The following CNBD1 variants were observed in gnomAD, a reference collection of about 807,000 sequenced individuals.
The protein encoded by CNBD1 is cyclic nucleotide binding domain containing 1, also known as cyclic nucleotide-binding domain-containing protein 1.
CNBD1 carries 71 observed loss-of-function variants against 54.4 expected under a neutral mutation model. The ratio of observed to expected loss-of-function variants is 1.30; its 90% confidence interval spans 1.08 to 1.59. The LOEUF (loss-of-function observed/expected upper bound fraction) is 1.59. Among genes scored for constraint, CNBD1 ranks in the 40% most tolerant of loss-of-function variants. The pLI, the probability that CNBD1 is intolerant of heterozygous loss-of-function variation, is 0.00. For synonymous variants in CNBD1, 182 were observed against 170.7 expected (o/e 1.07, Z -0.51); for missense variants, 659 against 518.0 (o/e 1.27, Z -2.64).
At chr8:86,916,396 T>A (rs1463420190) in intron 3 of CNBD1, among the ~76,000 whole-genome samples, 1 of 152,158 alleles carries the variant, frequency 6.6e-6, no homozygotes, top group African/African-American at 2.4e-5. Flanking sequence ...TCTCCCCTGG[T>A]TCTTCCCTTG....
At chr8:87,361,353 G>T (rs1488941133) in intron 10 of CNBD1, among the ~76,000 whole-genome samples, 1 of 151,590 alleles carries the variant, frequency 6.6e-6, no homozygotes, top group African/African-American at 2.4e-5. Flanking sequence ...AATGATAAAT[G>T]AGCTCTTAGA....
intron 4 of CNBD1, among the ~76,000 whole-genome samples, chr8:87,165,039 G>C (rs1450360718): frequency 6.6e-6 from 1 of 150,414 alleles, no homozygotes; most frequent in African/African-American, 2.4e-5. Flanking sequence ...TTTACCCATT[G>C]GTTGTTCAGG....
chr8:86,970,142 T>A (rs1312847962), intron 4 of CNBD1, among the ~76,000 whole-genome samples: 1 of 152,156 alleles, frequency 6.6e-6, no homozygotes, highest in African/African-American at 2.4e-5. Flanking sequence ...GTTATCAGTC[T>A]TTCTGTTATT....
chr8:86,918,786 T>C (rs767051439), intron 3 of CNBD1, among the ~76,000 whole-genome samples: 1 of 139,720 alleles, frequency 7.2e-6, no homozygotes, highest in Non-Finnish European at 1.5e-5. Flanking sequence ...CTAATACACA[T>C]GCTATCTTTC....
At position 87,410,150 on chromosome 8, in the gene CNBD1, A is replaced by C. The variant is rs1217262472; in HGVS notation, c.214-18396A>C. Reference sequence around the variant, plus strand: ...TATTTTAAGCCCAGAATTGAGACCTACTGCTCAGAAGAAAAGATTCATTTA... The same window carrying C: ...TATTTTAAGCCCAGAATTGAGACCTCCTGCTCAGAAGAAAAGATTCATTTA... On this transcript the variant is annotated intron_variant, in intron 2 of 7. Transcript: ENST00000521593. 2.0e-5 allele frequency among the ~76,000 whole-genome samples: 3 copies of C among 152,282 alleles called. No homozygotes were observed. In the East Asian group the frequency reaches 5.8e-4, roughly 29 times the overall value.
At chr8:87,406,447 T>TACACACACAC (rs36222951) in intron 2 of CNBD1, among the ~76,000 whole-genome samples, 7 of 122,154 alleles carry the variant, frequency 5.7e-5, no homozygotes, top group African/African-American at 2.2e-4. Flanking sequence ...TATGTGTGTA[T>TACACACACAC]ACACACACAC....
At position 86,967,100 on chromosome 8, in the gene CNBD1, C is replaced by T. The variant is rs565911195; in HGVS notation, c.431+27346C>T. 1.2e-4 allele frequency among the ~76,000 whole-genome samples: 19 copies of T among 152,294 alleles called. 1 individual carries two copies. Among genetic ancestry groups the T allele is most frequent in the Non-Finnish European group, 1.8e-4 (12 of 68,028 alleles). ...TCCCCACCTGACCCAGAAGCCCACC[C>T]GGCTTCACCTCTCACCAGGAGTGGA... On this transcript the variant is annotated intron_variant, in intron 4 of 10. Transcript: ENST00000518476.
chr8:87,082,620 G>A (rs1376208452), intron 4 of CNBD1, among the ~76,000 whole-genome samples: 2 of 151,814 alleles, frequency 1.3e-5, no homozygotes, highest in Non-Finnish European at 2.9e-5. Flanking sequence ...TTATATTTAA[G>A]TGGGTTTCTT....
At chr8:87,338,425 T>C (rs907805324) in intron 8 of CNBD1, among the ~76,000 whole-genome samples, 1 of 152,178 alleles carries the variant, frequency 6.6e-6, no homozygotes, top group Admixed American at 6.6e-5. Context: ...TTTTGAAGGA[T>C]AATTTTTCAG....
In CNBD1 at chr8:86,874,986, T is replaced by TTTTATA. The variant is rs1304865331; in HGVS notation, c.88+8404_88+8405insTTATAT. ...CATTTATATTTGTTTGTAAATCAAT[T>TTTTATA]TATATATATATATATATATATATAT... is the stretch of plus-strand genomic sequence containing the variant. On this transcript the variant is annotated intron_variant, in intron 1 of 10. Transcript: ENST00000518476. 2.9e-4 allele frequency among the ~76,000 whole-genome samples: 35 copies of TTTTATA among 120,114 alleles called. No homozygotes were observed. In the East Asian group the frequency reaches 5.3e-3, roughly 18 times the overall value. The allele number at this position is 120,114 out of a possible 152,430, so 78.8% of individuals were successfully genotyped here.
At chr8:87,046,790 G>A (rs1810202608) in intron 4 of CNBD1, among the ~76,000 whole-genome samples, 1 of 152,152 alleles carries the variant, frequency 6.6e-6, no homozygotes, top group Non-Finnish European at 1.5e-5. Flanking sequence ...AAGATAATAT[G>A]TCCTGACCAG....
In CNBD1 at chr8:86,930,745, T is replaced by A. The variant is rs142679208; in HGVS notation, c.273-8851T>A. On this transcript the variant is annotated intron_variant, in intron 3 of 10. Coordinates refer to ENST00000518476, the MANE Select transcript of CNBD1 (RefSeq NM_173538.3). ...TTTTGCACTAGTCTCCATTGACTGT[T>A]CAGTTTTTGTTCTCCTAGAATTGGG... Among the ~76,000 whole-genome samples, 686 of 152,334 alleles carry A rather than the reference T, an allele frequency of 4.5e-3. 5 individuals are homozygous for A. Among genetic ancestry groups the A allele is most frequent in the South Asian group, 0.023 (109 of 4,826 alleles).
At position 86,939,615 on chromosome 8, in the gene CNBD1, G is replaced by C; in HGVS notation, c.292G>C (p.Glu98Gln). 6.3e-7 allele frequency: 1 copy of C among 1,591,106 alleles called. No homozygotes were observed. The highest frequency in any genetic ancestry group is 8.5e-7 in the Non-Finnish European group (1 of 1,171,780). ...EEQRELNEGK[E>Q]ESQHQQPDDS... The stretch of plus-strand genomic sequence containing the variant: ...GTTCAGGGAACTCAATGAAGGCAAA[G>C]AGGAAAGTCAACATCAACAACCTGA... The change falls in exon 4 of 11, where the codon GAG becomes CAG. Residue 98 changes from glutamate to glutamine, a missense_variant. Transcript: ENST00000518476.
chr8:87,051,343 G>A (rs150568954), intron 4 of CNBD1, among the ~76,000 whole-genome samples: 2,379 of 152,258 alleles, frequency 0.016, 21 homozygotes, highest in Non-Finnish European at 0.021. Context: ...CCTGGATAGT[G>A]AGGGCAGTTT....
chr8:87,366,031 G>T (rs185016196), intron 10 of CNBD1, among the ~76,000 whole-genome samples: 1 of 152,106 alleles, frequency 6.6e-6, no homozygotes, highest in East Asian at 1.9e-4. Context: ...AATAAATCTA[G>T]CCTGGTAAGA....
At chr8:87,363,528 C>T (rs1810567203) in intron 10 of CNBD1, among the ~76,000 whole-genome samples, 1 of 152,116 alleles carries the variant, frequency 6.6e-6, no homozygotes, top group Admixed American at 6.6e-5. Flanking sequence ...AGTTTCCTAA[C>T]TTTTTAATGA....
At chr8:86,966,233 C>A (rs1177219884) in intron 4 of CNBD1, among the ~76,000 whole-genome samples, 1 of 152,166 alleles carries the variant, frequency 6.6e-6, no homozygotes, top group Non-Finnish European at 1.5e-5. Context: ...AATCAATCTG[C>A]CTCCAGGGGC....
At chr8:87,411,916 TA>T (rs1428867341) in intron 2 of CNBD1, among the ~76,000 whole-genome samples, 2 of 151,986 alleles carry the variant, frequency 1.3e-5, no homozygotes, top group African/African-American at 4.8e-5. Flanking sequence ...GCAATTTGTT[TA>T]AAAAAGTTTT....
chr8:86,942,771 G>C (rs907101066), intron 4 of CNBD1, among the ~76,000 whole-genome samples: 11 of 152,202 alleles, frequency 7.2e-5, no homozygotes, highest in Admixed American at 6.5e-4. Flanking sequence ...AGGGGATTGG[G>C]TGTTCCCTTA....
Sources: gnomAD v4.1 joint callset for allele counts (sites outside exome capture counted in the v4.1 genomes callset) on GRCh38, gnomAD v4.1.1 for gene constraint, MANE v1.5 for transcripts, NCBI Gene and HGNC (gene_info 2026-07-23, HGNC 2026-07-21) for gene names.